RPS6KA2: variants seen among roughly 807,000 people sequenced by gnomAD.
RPS6KA2 encodes ribosomal protein S6 kinase alpha-2.
RPS6KA2 carries 42 observed loss-of-function variants against 91.8 expected under a neutral mutation model. The ratio of observed to expected loss-of-function variants is 0.46; its 90% CI spans 0.36 to 0.59. RPS6KA2 has a LOEUF of 0.59. Among genes scored for constraint, RPS6KA2 ranks in the 20% least tolerant of loss-of-function variants. The pLI, the probability that RPS6KA2 is intolerant of heterozygous loss-of-function variation, is 0.00. For missense variants in RPS6KA2, 798 were observed against 978.5 expected, an observed-to-expected ratio of 0.82 and a Z score of 2.46; for synonymous variants, 414 against 393.6, an observed-to-expected ratio of 1.05 and a Z score of -0.61.
chr6:166,644,390 C>T (rs190021053), intron 2 of RPS6KA2, among the ~76,000 whole-genome samples: 64 of 152,292 alleles, frequency 4.2e-4, no homozygotes, highest in Non-Finnish European at 7.6e-4. Flanking sequence ...CCTGCTCCCC[C>T]AGTCCATGAC....
rs925940366 is a variant in RPS6KA2 at position 166,627,144 on chromosome 6, C to A, written c.-125G>T. ...GGGAGCCCGGCACGGCGGCCATGGG[C>A]GCGGGGCGTGGGGCGCGAGCTGCGG... On this transcript the variant is annotated 5_prime_UTR_variant, in exon 1 of 21. Coordinates refer to ENST00000265678, the MANE Select transcript of RPS6KA2 (RefSeq NM_021135.6). 1.9e-5 allele frequency: 22 copies of A among 1,130,242 alleles called. No individual in the cohort carries two copies. In the African/African-American group the frequency reaches 3.3e-4, roughly 17 times the overall value. The allele number at this position is 1,130,242 out of a possible 1,614,324, so 70.0% of individuals were successfully genotyped here.
At chr6:166,415,207 A>G (rs777621669) in intron 19 of RPS6KA2, among the ~76,000 whole-genome samples, 6 of 152,260 alleles carry the variant, frequency 3.9e-5, no homozygotes, top group Non-Finnish European at 8.8e-5. Flanking sequence ...GCCTTTTGAT[A>G]TTTGATAACA....
chr6:166,775,313 T>G (rs1283817029), intron 2 of RPS6KA2, among the ~76,000 whole-genome samples: 1 of 145,788 alleles, frequency 6.9e-6, no homozygotes, highest in Admixed American at 6.8e-5. Flanking sequence ...CCTTTGGTTT[T>G]GGGGGAGTCT....
At chr6:166,710,517 GTGTGT>G (rs201336933) in intron 2 of RPS6KA2, among the ~76,000 whole-genome samples, 1,996 of 151,932 alleles carry the variant, frequency 0.013, 29 homozygotes, top group Admixed American at 0.018. Flanking sequence ...TGTGGTGTGT[GTGTGT>G]TATGTGTGGT....
chr6:166,444,699 G>A (rs887040986), intron 14 of RPS6KA2, among the ~76,000 whole-genome samples: 9 of 152,218 alleles, frequency 5.9e-5, no homozygotes, highest in East Asian at 3.8e-4. Flanking sequence ...GATCTTGGAC[G>A]TTCTAGTGTT....
At chr6:166,854,245 G>C (rs1004564819) in intron 2 of RPS6KA2, among the ~76,000 whole-genome samples, 1 of 152,176 alleles carries the variant, frequency 6.6e-6, no homozygotes, top group Non-Finnish European at 1.5e-5. Flanking sequence ...CAGACATCTT[G>C]TCTTACACCC....
In RPS6KA2 at chr6:166,420,967, G is replaced by A. The variant is rs372196980; in HGVS notation, c.1744-1009C>T. 1.7e-3 allele frequency among the ~76,000 whole-genome samples: 261 copies of A among 152,208 alleles called. 1 individual carries two copies. Among genetic ancestry groups the A allele is most frequent in the African/African-American group, 5.9e-3 (247 of 41,520 alleles). On this transcript the variant is annotated intron_variant, in intron 17 of 20. Coordinates refer to ENST00000265678, the MANE Select transcript of RPS6KA2 (RefSeq NM_021135.6). Reference sequence around the variant, plus strand: ...ATTAAATATCGAGTCGGGAGAGCTCGGCTCAATTTCCTTAGAGATGAGAGC... The same window carrying A: ...ATTAAATATCGAGTCGGGAGAGCTCAGCTCAATTTCCTTAGAGATGAGAGC...
chr6:166,819,296 T>C (rs1409247033), intron 2 of RPS6KA2, among the ~76,000 whole-genome samples: 1 of 152,216 alleles, frequency 6.6e-6, no homozygotes, highest in African/African-American at 2.4e-5. Context: ...TATTTTTACT[T>C]GCCCTCACTT....
chr6:166,693,392 T>TAA (rs1789266102), intron 2 of RPS6KA2, among the ~76,000 whole-genome samples: 1 of 152,242 alleles, frequency 6.6e-6, no homozygotes, highest in Non-Finnish European at 1.5e-5. Context: ...TTTGTAAGTT[T>TAA]AAAACTCTGG....
intron 1 of RPS6KA2, chr6:166,586,318 T>C (rs1785172688): frequency 1.3e-6 from 2 of 1,599,374 alleles, no homozygotes; most frequent in Non-Finnish European, 1.7e-6. Flanking sequence ...CGATTGCCTC[T>C]GTTTCTTTGG....
At position 166,495,364 on chromosome 6, in the gene RPS6KA2, C is replaced by T. The variant is rs748606615; in HGVS notation, c.747+3144G>A. 5.3e-5 allele frequency among the ~76,000 whole-genome samples: 8 copies of T among 152,144 alleles called. No homozygotes were observed. The highest frequency in any genetic ancestry group is 7.3e-5 in the Non-Finnish European group (5 of 68,038). ...CTGTCACGAGACATTGAATGCGGGACGATCCCAGCAAACAAGTGAACAATT... is the reference window on the plus strand; with the variant it reads ...CTGTCACGAGACATTGAATGCGGGATGATCCCAGCAAACAAGTGAACAATT... On this transcript the variant is annotated intron_variant, in intron 8 of 20. Transcript: ENST00000265678. The surrounding 1 kb of genome is among the most constrained non-coding windows in gnomAD (Gnocchi z 4.4).
rs140666561 is a variant in RPS6KA2, at chr6:166,472,826, A to G, written c.908-2921T>C. On this transcript the variant is annotated intron_variant, in intron 10 of 20. Coordinates refer to ENST00000265678, the MANE Select transcript of RPS6KA2 (RefSeq NM_021135.6). ...CACTGAAGGCCTTCCTTGGTTCTAGAGGACTGCTGCCACTCATCTAGATCA... is the reference window on the plus strand; with the variant it reads ...CACTGAAGGCCTTCCTTGGTTCTAGGGGACTGCTGCCACTCATCTAGATCA... Among the ~76,000 whole-genome samples, 645 of 152,300 alleles carry G rather than the reference A, an allele frequency of 4.2e-3. 9 individuals are homozygous for G. In the South Asian group the frequency reaches 0.046, roughly 11 times the overall value.
At chr6:166,548,099 G>A (rs900917914) in intron 1 of RPS6KA2, among the ~76,000 whole-genome samples, 6 of 152,212 alleles carry the variant, frequency 3.9e-5, no homozygotes, top group Admixed American at 6.5e-5. Context: ...GAGTGATTGC[G>A]CTTTTTCCCA....
intron 2 of RPS6KA2, among the ~76,000 whole-genome samples, chr6:166,853,072 T>C (rs1425161018): frequency 6.6e-6 from 1 of 152,232 alleles, no homozygotes; most frequent in Non-Finnish European, 1.5e-5. Context: ...TCTGGTTTTA[T>C]AAAGTTGACC....
intron 1 of RPS6KA2, among the ~76,000 whole-genome samples, chr6:166,600,625 A>T (rs1427159157): frequency 6.6e-6 from 1 of 152,226 alleles, no homozygotes; most frequent in Non-Finnish European, 1.5e-5. Flanking sequence ...GAGAGTCTAA[A>T]AACTGGTTGC....
intron 2 of RPS6KA2, among the ~76,000 whole-genome samples, chr6:166,651,933 C>T (rs1183924322): frequency 2.0e-5 from 3 of 152,278 alleles, no homozygotes; most frequent in African/African-American, 2.4e-5. Context: ...CGGCTGACAA[C>T]GTGGAGCCGG....
At chr6:166,755,240 G>A (rs1777973047) in intron 2 of RPS6KA2, among the ~76,000 whole-genome samples, 1 of 152,168 alleles carries the variant, frequency 6.6e-6, no homozygotes, top group African/African-American at 2.4e-5. Context: ...TCTCTGCAGT[G>A]TGGATTCCCA....
chr6:166,498,086 G>A (rs1002265384), intron 8 of RPS6KA2, among the ~76,000 whole-genome samples: 18 of 152,058 alleles, frequency 1.2e-4, no homozygotes, highest in South Asian at 2.1e-4. Flanking sequence ...GCGAAAACGC[G>A]ACAGAGACAA....
chr6:166,811,206 A>G (rs1289711555), intron 2 of RPS6KA2, among the ~76,000 whole-genome samples: 1 of 152,230 alleles, frequency 6.6e-6, no homozygotes, highest in Non-Finnish European at 1.5e-5. Context: ...ACATTTGCTT[A>G]TCTCAGCACC....
Sources: gnomAD v4.1 joint callset for allele counts (sites outside exome capture counted in the v4.1 genomes callset) on GRCh38, gnomAD v4.1.1 for gene constraint, Gnocchi (gnomAD v3.1) non-coding constraint, MANE v1.5 for transcripts, NCBI Gene and HGNC (gene_info 2026-07-23, HGNC 2026-07-21) for gene names.